The following FGF9 variants were observed in gnomAD, a reference collection of about 807,000 sequenced individuals.
FGF9 encodes fibroblast growth factor 9 (glia-activating factor).
Under a neutral mutation model 19.9 loss-of-function variants are expected in FGF9, and 3 were observed. The observed-to-expected ratio is 0.15, with a 90% CI of 0.07 to 0.39. FGF9 has a LOEUF of 0.39. Ranked by LOEUF, FGF9 falls within the 10% of genes least tolerant of loss-of-function variation. FGF9 has a pLI of 1.00. For missense variants in FGF9, 175 were observed against 256.8 expected (o/e 0.68, Z 2.18); for synonymous variants, 107 against 106.9 (o/e 1.00, Z -0.01).
At chr13:21,700,042 G>A (rs1388861011) in intron 2 of FGF9, among the ~76,000 whole-genome samples, 1 of 151,582 alleles carries the variant, frequency 6.6e-6, no homozygotes, top group Admixed American at 6.6e-5. Context: ...GTGTGTGTGT[G>A]TGTGTGTTAT....
At chr13:21,682,376 G>A (rs1242658438) in intron 2 of FGF9, among the ~76,000 whole-genome samples, 3 of 152,038 alleles carry the variant, frequency 2.0e-5, no homozygotes, top group Non-Finnish European at 4.4e-5. Context: ...ATGAAAAGAA[G>A]CTTAGAATGA....
rs1215276055 is a variant in FGF9, at chr13:21,703,772, G to A, written c.*2337G>A. ...CAAAAGTAGTCTTAAAGTAGCATGAGACCTTAGATAATCGACCTAAAAGAA... is the reference window on the plus strand; with the variant it reads ...CAAAAGTAGTCTTAAAGTAGCATGAAACCTTAGATAATCGACCTAAAAGAA... On this transcript the variant is annotated 3_prime_UTR_variant, in exon 3 of 3. Coordinates refer to ENST00000382353, the MANE Select transcript of FGF9 (RefSeq NM_002010.3). 1 of 151,970 alleles carries A rather than the reference G, an allele frequency of 6.6e-6. No homozygotes were observed. The highest frequency in any genetic ancestry group is 1.5e-5 in the Non-Finnish European group (1 of 68,018). 9.4% of individuals were successfully genotyped at this position (151,970 alleles called of 1,614,324 possible).
At chr13:21,696,316 C>T (rs1029939276) in intron 2 of FGF9, among the ~76,000 whole-genome samples, 4 of 152,174 alleles carry the variant, frequency 2.6e-5, no homozygotes, top group Admixed American at 6.5e-5. Flanking sequence ...AGGTTTCCAT[C>T]GTTGCTAACA....
At chr13:21,684,517 G>T (rs1191428982) in intron 2 of FGF9, among the ~76,000 whole-genome samples, 1 of 152,152 alleles carries the variant, frequency 6.6e-6, no homozygotes, top group Non-Finnish European at 1.5e-5. Flanking sequence ...AGTTGAAGGA[G>T]GAATCACCAT....
In FGF9 at chr13:21,701,463, T is replaced by TAA; in HGVS notation, c.*33_*34dup. The TAA allele has an allele frequency of 6.2e-7, 1 of 1,613,744 alleles. No individual in the cohort carries two copies. The highest frequency in any genetic ancestry group is 8.5e-7 in the Non-Finnish European group (1 of 1,179,702). On this transcript the variant is annotated 3_prime_UTR_variant, in exon 3 of 3. Coordinates refer to ENST00000382353, the MANE Select transcript of FGF9 (RefSeq NM_002010.3). ...AAGACAGTTTCTTCACTTGAGCCCT[T>TAA]AAAAAAGTAACCACTATAAAGGTTT...
intron 2 of FGF9, among the ~76,000 whole-genome samples, chr13:21,698,338 A>T (rs978853652): frequency 6.6e-6 from 1 of 152,208 alleles, no homozygotes; most frequent in Non-Finnish European, 1.5e-5. Context: ...TCTAAGGTTT[A>T]TTCAGGTTCT....
chr13:21,693,671 A>G (rs1220573053), intron 2 of FGF9, among the ~76,000 whole-genome samples: 1 of 152,082 alleles, frequency 6.6e-6, no homozygotes, highest in African/African-American at 2.4e-5. Context: ...AGCCCTGTCT[A>G]TTGAGGCCAA....
intron 2 of FGF9, among the ~76,000 whole-genome samples, chr13:21,688,212 T>A (rs1872205119): frequency 6.6e-6 from 1 of 152,244 alleles, no homozygotes; most frequent in African/African-American, 2.4e-5. Flanking sequence ...GATTTGTCAC[T>A]GTAGTGGTTC....
In FGF9 at chr13:21,702,014, TA is replaced by T. The variant is rs955706680; in HGVS notation, c.*586del. ...AATAAAAAAAAATAAAAAATAAAAA[TA>T]AAAAAAGTTAAATTTATTTATAGAA... On this transcript the variant is annotated 3_prime_UTR_variant, in exon 3 of 3. Transcript: ENST00000382353. 1.7e-4 allele frequency: 26 copies of T among 151,430 alleles called. No homozygotes were observed. The highest frequency in any genetic ancestry group is 4.1e-4 in the African/African-American group (17 of 41,402). The allele number at this position is 151,430 out of a possible 1,614,324, so 9.4% of individuals were successfully genotyped here.
Position 21,701,193 on chromosome 13 carries a change from A to C in FGF9, c.385A>C (p.Lys129Gln). The C allele has an allele frequency of 6.2e-7, 1 of 1,613,548 alleles. No individual in the cohort carries two copies. The highest frequency in any genetic ancestry group is 8.5e-7 in the Non-Finnish European group (1 of 1,179,622). The change falls in exon 3 of 3, where the codon AAA becomes CAA. Residue 129 changes from lysine (K) to glutamine (Q), a missense_variant. By Grantham distance (53) the Lys-to-Gln change is moderately conservative. Coordinates refer to ENST00000382353, the MANE Select transcript of FGF9 (RefSeq NM_002010.3). ...CTCCCTCTTTTTCTTTTTACAGGAA[A>C]AACTAACCCAAGAGTGTGTATTCAG... The part of the protein sequence containing the change: ...NEKGELYGSE[K>Q]LTQECVFREQ...
At chr13:21,698,173 G>C (rs1296076374) in intron 2 of FGF9, among the ~76,000 whole-genome samples, 1 of 152,162 alleles carries the variant, frequency 6.6e-6, no homozygotes, top group Non-Finnish European at 1.5e-5. Context: ...GGTCCCAAGA[G>C]GGTGGTGGCT....
intron 2 of FGF9, among the ~76,000 whole-genome samples, chr13:21,682,247 A>T (rs958119358): frequency 6.6e-6 from 1 of 151,956 alleles, no homozygotes; most frequent in Non-Finnish European, 1.5e-5. Context: ...TCCTGGCCTC[A>T]AGTGATCCTC....
At chr13:21,673,107 A>G (rs17070044) in intron 1 of FGF9, among the ~76,000 whole-genome samples, 125 of 152,282 alleles carry the variant, frequency 8.2e-4, no homozygotes, top group Non-Finnish European at 1.6e-3. Context: ...CACGAAGTCA[A>G]CTAACACAGT....
intron 1 of FGF9, among the ~76,000 whole-genome samples, chr13:21,676,378 T>C (rs1405629001): frequency 6.6e-6 from 1 of 152,154 alleles, no homozygotes; most frequent in Non-Finnish European, 1.5e-5. Flanking sequence ...TTAAAACTTA[T>C]TTCCAGGGTT....
chr13:21,689,091 G>A (rs981862541), intron 2 of FGF9, among the ~76,000 whole-genome samples: 4 of 152,126 alleles, frequency 2.6e-5, no homozygotes, highest in Admixed American at 1.3e-4. Context: ...CAGGAATCCC[G>A]GAGCAGAGTT....
chr13:21,693,828 A>G (rs936887684), intron 2 of FGF9, among the ~76,000 whole-genome samples: 1 of 152,126 alleles, frequency 6.6e-6, no homozygotes. Context: ...TTCCTCCTTG[A>G]AACAGCAATC....
chr13:21,682,700 T>TG (rs995955814), intron 2 of FGF9, among the ~76,000 whole-genome samples: 4 of 151,232 alleles, frequency 2.6e-5, no homozygotes, highest in African/African-American at 9.7e-5. Flanking sequence ...TTCAGTTTTT[T>TG]TTTTTTTTTT....
rs1480995733 is a variant in FGF9, at chr13:21,671,919, C to T, written c.7C>T (p.Pro3Ser). ...CCAAAAGCCGAGTCCTCTGATGGCT[C>T]CCTTAGGTGAAGTTGGGAACTATTT... is the stretch of plus-strand genomic sequence containing the variant. MA[P>S]LGEVGNYFGV... Residue 3 changes from proline (P) to serine (S), a missense_variant, in exon 1 of 3, where the codon CCC becomes TCC. Around this residue, in one of 3 missense-constraint regions of FGF9, gnomAD observed 69 missense variants for 73.6 expected, o/e 0.94. Coordinates refer to ENST00000382353, the MANE Select transcript of FGF9 (RefSeq NM_002010.3). 7 of 1,614,132 alleles carry T rather than the reference C, an allele frequency of 4.3e-6. No individual in the cohort carries two copies. The highest frequency in any genetic ancestry group is 2.2e-5 in the East Asian group (1 of 44,870).
intron 2 of FGF9, among the ~76,000 whole-genome samples, chr13:21,682,353 C>T (rs1872060676): frequency 6.6e-6 from 1 of 151,870 alleles, no homozygotes; most frequent in African/African-American, 2.4e-5. Flanking sequence ...CTTTAGTTTA[C>T]AAAAAGTTGA....
Sources: gnomAD v4.1 joint callset for allele counts (sites outside exome capture counted in the v4.1 genomes callset) on GRCh38, gnomAD v4.1.1 for gene constraint, gnomAD v4.1.1 regional missense constraint, MANE v1.5 for transcripts, NCBI Gene and HGNC (gene_info 2026-07-23, HGNC 2026-07-21) for gene names.